ABCA4: variants seen among roughly 807,000 people sequenced by gnomAD.
The protein encoded by ABCA4 is ATP binding cassette subfamily A member 4, also known as retinal-specific phospholipid-transporting ATPase ABCA4.
ABCA4 carries 196 observed loss-of-function variants against 263.7 expected under a neutral mutation model. That is an observed-to-expected ratio of 0.74 (90% CI 0.66 to 0.84). ABCA4 has a LOEUF of 0.84. Among genes scored for constraint, ABCA4 ranks in the 40% least tolerant of loss-of-function variants. The pLI is 0.00. For synonymous variants in ABCA4, 1,133 were observed against 1,094.2 expected (o/e 1.04, Z -0.70); for missense variants, 2,792 against 2,855.1 (o/e 0.98, Z 0.50).
At chr1:93,996,235 A>G (rs776192197) in intron 48 of ABCA4, 40 bp from the exon 49 acceptor site, 1 of 1,494,222 alleles carries the variant, frequency 6.7e-7, no homozygotes, top group Non-Finnish European at 9.3e-7. Flanking sequence ...AGATATTTCC[A>G]GGAAAACAGC....
At chr1:94,088,404 T>G (rs1328179853) in intron 6 of ABCA4, among the ~76,000 whole-genome samples, 1 of 152,198 alleles carries the variant, frequency 6.6e-6, no homozygotes, top group Non-Finnish European at 1.5e-5. Context: ...TCCTTTATCA[T>G]TTAATCTGCT....
In ABCA4 at chr1:94,014,677, G is replaced by T; in HGVS notation, c.5326C>A (p.Pro1776Thr). ...AGGAAGGATGCTGGGTACATCATGG[G>T]AATGACCGCCCATCTGTGTGAAATG... ...LLLLYGWAVI[P>T]MMYPASFLFD... The change falls in exon 38 of 50, where the codon CCC becomes ACC. Residue 1776 changes from proline to threonine, a missense_variant. Transcript: ENST00000370225. 6.2e-7 allele frequency: 1 copy of T among 1,614,176 alleles called. No homozygotes were observed. The highest frequency in any genetic ancestry group is 8.5e-7 in the Non-Finnish European group (1 of 1,180,032).
rs749763598 is a variant in ABCA4, at chr1:94,103,162, A to G, written c.443-20T>C. 172 of 1,613,418 alleles carry G rather than the reference A, an allele frequency of 1.1e-4. No homozygotes were observed. The highest frequency in any genetic ancestry group is 1.4e-4 in the Non-Finnish European group (169 of 1,179,678). On this transcript the variant is annotated intron_variant, in intron 4 of 49. Transcript: ENST00000370225. ...CTCTTCCTACATATGAATAAGAGAA[A>G]GAACAGGGTGTTGAAGGGGAAATGG... is the stretch of plus-strand genomic sequence containing the variant.
chr1:94,117,482 A>C (rs3838282), intron 1 of ABCA4, among the ~76,000 whole-genome samples: 89 of 92,256 alleles, frequency 9.6e-4, no homozygotes, highest in South Asian at 2.9e-3. Flanking sequence ...AGGCCCCCCC[A>C]CAGATATCCA....
intron 24 of ABCA4, among the ~76,000 whole-genome samples, chr1:94,039,491 T>G (rs985493308): frequency 6.6e-6 from 1 of 152,236 alleles, no homozygotes; most frequent in South Asian, 2.1e-4. Context: ...GCCTCTCCAC[T>G]GCAGCTCCTT....
chr1:94,076,796 A>G (rs1045890564), intron 11 of ABCA4, among the ~76,000 whole-genome samples: 3 of 152,304 alleles, frequency 2.0e-5, no homozygotes, highest in African/African-American at 7.2e-5. Context: ...AGCCCTTGGA[A>G]TGGGCTGGCG....
intron 11 of ABCA4, among the ~76,000 whole-genome samples, chr1:94,064,936 G>A (rs150730474): frequency 5.3e-4 from 80 of 152,164 alleles, no homozygotes; most frequent in African/African-American, 1.9e-3. Context: ...TAGTGGAGAG[G>A]GGGGAAAGCA....
chr1:94,041,714 T>C (rs554120446), intron 22 of ABCA4, among the ~76,000 whole-genome samples: 5 of 152,308 alleles, frequency 3.3e-5, no homozygotes, highest in Non-Finnish European at 5.9e-5. Context: ...GTTTCATATG[T>C]ACATTTTCTG....
chr1:94,001,887 G>A lies in ABCA4; in HGVS notation c.6253C>T (p.Leu2085Phe), dbSNP rs763910995. The A allele has an allele frequency of 6.2e-7, 1 of 1,614,208 alleles. No homozygotes were observed. Among genetic ancestry groups the A allele is most frequent in the East Asian group, 2.2e-5 (1 of 44,884 alleles). Residue 2085 changes from leucine (L) to phenylalanine (F), a missense_variant, in exon 45 of 50, where the codon CTC becomes TTC. Leu to Phe is a conservative substitution (Grantham distance 22). Transcript: ENST00000370225. ...AGCACCAGCGGTGGGCAGCCAATGAGTGCGATGGCTGTGGAGAGTTTCCGC... is the reference window on the plus strand; with the variant it reads ...AGCACCAGCGGTGGGCAGCCAATGAATGCGATGGCTGTGGAGAGTTTCCGC... ...NKRKLSTAIA[L>F]IGCPPLVLLD... is the part of the protein sequence containing the mutation.
intron 6 of ABCA4, among the ~76,000 whole-genome samples, chr1:94,097,479 T>G (rs1368085073): frequency 1.3e-5 from 2 of 152,090 alleles, no homozygotes; most frequent in African/African-American, 4.8e-5. Context: ...TGACTGACAT[T>G]CCCTACAACA....
Position 93,992,891 on chromosome 1 carries a change from G to T in ABCA4, c.*346C>A. The T allele has an allele frequency of 2.5e-6, 1 of 392,962 alleles. No individual in the cohort carries two copies. Among genetic ancestry groups the T allele is most frequent in the Non-Finnish European group, 4.8e-6 (1 of 209,284 alleles). The allele number at this position is 392,962 out of a possible 1,614,324, so 24.3% of individuals were successfully genotyped here. A position where few individuals can be genotyped will look rare whatever the true frequency, so the allele number is the denominator to read the frequency against. On this transcript the variant is annotated 3_prime_UTR_variant, in exon 50 of 50. Transcript: ENST00000370225. ...TTCCATGAAAATCACACACAACGCAGACACACAGACAAACATGCAGAAAAG... is the reference window on the plus strand; with the variant it reads ...TTCCATGAAAATCACACACAACGCATACACACAGACAAACATGCAGAAAAG...
At position 93,997,913 on chromosome 1, in the gene ABCA4, T is replaced by C. The variant is rs765287252; in HGVS notation, c.6677A>G (p.Lys2226Arg). ...ARIFQLLLSH[K>R]DSLLIEEYSV... ...GTACTCCTCGATGAGCAGGCTGTCC[T>C]TGTGGGAGAGGAGGAGCTGGAAGAT... Residue 2226 changes from lysine (K) to arginine (R), a missense_variant, in exon 48 of 50, where the codon AAG becomes AGG. Lys to Arg is a conservative substitution (Grantham distance 26, BLOSUM62 2). Transcript: ENST00000370225. 6 of 1,613,986 alleles carry C rather than the reference T, an allele frequency of 3.7e-6. No homozygotes were observed. The highest frequency in any genetic ancestry group is 2.2e-5 in the East Asian group (1 of 44,864).
intron 40 of ABCA4, 36 bp from the exon 41 acceptor site, chr1:94,008,907 G>C (rs776092165): frequency 3.1e-6 from 5 of 1,607,728 alleles, no homozygotes; most frequent in Non-Finnish European, 1.7e-6. Flanking sequence ...TGGGCTGGCT[G>C]TACAGTGTCC....
Position 94,005,446 on chromosome 1 carries a change from C to G in ABCA4, c.6142G>C (p.Glu2048Gln). ...CACAACAAAACATTTTTCACCTTTT[C>G]GATTTCTTCTGCTGGTACACCTCGA... is the stretch of plus-strand genomic sequence containing the variant. ...RLRGVPAEEI[E>Q]KVANWSIKSL... is the part of the protein sequence containing the mutation. Residue 2048 changes from glutamate to glutamine, a missense_variant, in exon 44 of 50, where the codon GAA (glutamate) becomes CAA (glutamine). Physicochemically the swap from Glu to Gln is conservative, Grantham distance 29. Coordinates refer to ENST00000370225, the MANE Select transcript of ABCA4 (RefSeq NM_000350.3). The G allele has an allele frequency of 6.2e-7, 1 of 1,614,038 alleles. No homozygotes were observed. The highest frequency in any genetic ancestry group is 1.1e-5 in the South Asian group (1 of 91,080).
Position 94,031,883 on chromosome 1 carries a change from G to A in ABCA4, c.4023C>T (p.Gly1341=), listed in dbSNP as rs1481129047. ...GQPPPEPECP[G]PQLNTGTQLV... ...GCTGTGTCCCCGTGTTGAGCTGCGG[G>A]CCTGGGCACTCTGGCTCTGGGGGAG... Residue 1341 remains glycine (G), a synonymous_variant, in exon 27 of 50, where the codon GGC becomes GGT. Transcript: ENST00000370225. The A allele has an allele frequency of 2.5e-6, 4 of 1,614,216 alleles. No individual in the cohort carries two copies. In the African/African-American group the frequency reaches 5.3e-5, roughly 22 times the overall value.
In ABCA4 at chr1:94,062,432, G is replaced by C; in HGVS notation, c.1937+145C>G. Reference sequence around the variant, plus strand: ...TTGGGAGAAGCAGGTTCCTCAGTCAGAGCTCCATGCTCTCCAATTTGGCTC... The same window carrying C: ...TTGGGAGAAGCAGGTTCCTCAGTCACAGCTCCATGCTCTCCAATTTGGCTC... On this transcript the variant is annotated intron_variant, in intron 13 of 49. Transcript: ENST00000370225. 3.3e-6 allele frequency: 3 copies of C among 918,116 alleles called. No individual in the cohort carries two copies. The South Asian group carries it at 4.8e-5, about 15-fold the overall frequency. The allele number at this position is 918,116 out of a possible 1,614,324, so 56.9% of individuals were successfully genotyped here.
chr1:94,062,881 T>G (rs1661170777), intron 12 of ABCA4, 128 bp from the exon 13 acceptor site: 4 of 1,115,848 alleles, frequency 3.6e-6, no homozygotes, highest in South Asian at 1.3e-5. Flanking sequence ...AAGGATCCAA[T>G]TCTATTTCCT....
intron 11 of ABCA4, among the ~76,000 whole-genome samples, chr1:94,066,132 G>A (rs1391200454): frequency 6.6e-6 from 1 of 152,174 alleles, no homozygotes; most frequent in African/African-American, 2.4e-5. Context: ...TGAGGGTGGG[G>A]GTAGGTGGCA....
intron 16 of ABCA4, among the ~76,000 whole-genome samples, chr1:94,053,296 T>A (rs1660887906): frequency 6.6e-6 from 1 of 152,222 alleles, no homozygotes; most frequent in African/African-American, 2.4e-5. Flanking sequence ...CTTGTGGGAC[T>A]GAACCCGTGG....
Sources: allele counts gnomAD v4.1 joint callset (sites outside exome capture counted in the v4.1 genomes callset), GRCh38; gene constraint gnomAD v4.1.1; transcripts MANE v1.5; gene names NCBI Gene and HGNC (gene_info 2026-07-23, HGNC 2026-07-21).